The following ESRRG variants were observed in gnomAD, a reference collection of about 807,000 sequenced individuals.
ESRRG encodes estrogen-related receptor gamma.
ESRRG carries 13 observed loss-of-function variants against 44.0 expected under a neutral mutation model. The observed-to-expected ratio is 0.30, with a 90% CI of 0.19 to 0.47. ESRRG has a LOEUF of 0.47. Ranked by LOEUF, ESRRG falls within the 20% of genes least tolerant of loss-of-function variation. The pLI is 1.00. For missense variants in ESRRG, 395 were observed against 580.6 expected (o/e 0.68, Z 3.29); for synonymous variants, 215 against 214.6 (o/e 1.00, Z -0.02).
intron 2 of ESRRG, among the ~76,000 whole-genome samples, chr1:216,889,753 G>C (rs755820983): frequency 6.6e-6 from 1 of 152,060 alleles, no homozygotes; most frequent in East Asian, 1.9e-4. Flanking sequence ...CACTGATTTC[G>C]CTTTCCTGAT....
Position 216,504,344 on chromosome 1 carries a change from G to A in ESRRG, c.*2595C>T, listed in dbSNP as rs1056170617. The A allele has an allele frequency of 6.6e-5, 10 of 152,298 alleles. No homozygotes were observed. Among genetic ancestry groups the A allele is most frequent in the African/African-American group, 1.7e-4 (7 of 41,406 alleles). The allele number at this position is 152,298 out of a possible 1,614,324, so 9.4% of individuals were successfully genotyped here. A position where few individuals can be genotyped will look rare whatever the true frequency, so the allele number is the denominator to read the frequency against. On this transcript the variant is annotated 3_prime_UTR_variant, in exon 7 of 7. Coordinates refer to ENST00000408911, the MANE Select transcript of ESRRG (RefSeq NM_001438.4). ...TTTTTTCCCAGGAGTTGTATTTTCT[G>A]TTGTTATTTTTAAAGGGATGTGCCA...
At chr1:216,642,762 T>G (rs1253518817) in intron 3 of ESRRG, among the ~76,000 whole-genome samples, 1 of 152,172 alleles carries the variant, frequency 6.6e-6, no homozygotes, top group African/African-American at 2.4e-5. Context: ...TAATTTCTGT[T>G]TTTGACTTGG....
chr1:216,759,649 A>G (rs1332026526), intron 2 of ESRRG, among the ~76,000 whole-genome samples: 2 of 152,146 alleles, frequency 1.3e-5, no homozygotes, highest in Non-Finnish European at 2.9e-5. Context: ...GCTGGAAAAC[A>G]TTTATTCATT....
At chr1:217,075,029 A>T (rs1346817555) in intron 1 of ESRRG, among the ~76,000 whole-genome samples, 1 of 152,170 alleles carries the variant, frequency 6.6e-6, no homozygotes, top group African/African-American at 2.4e-5. Context: ...AAGCCTAAAC[A>T]TACTCAAGTC....
intron 2 of ESRRG, chr1:216,862,387 G>A (rs2377356): frequency 0.22 from 32,737 of 151,854 alleles, 3,569 homozygotes; most frequent in Middle Eastern, 0.25. Context: ...ACCATGCCCA[G>A]CTAATTTTTG....
rs187598917 is a variant in ESRRG at position 216,818,640 on chromosome 1, G to C, written c.-14+120942C>G. Among the ~76,000 whole-genome samples, 606 of 151,462 alleles carry C rather than the reference G, an allele frequency of 4.0e-3. 2 individuals are homozygous for C. The highest frequency in any genetic ancestry group is 0.014 in the African/African-American group (585 of 41,218). On this transcript the variant is annotated intron_variant, in intron 2 of 7. Coordinates refer to the ESRRG transcript ENST00000359162. ...TTTCATTTTAAGTTCCAGGGTACAT[G>C]TGCAGGATATGCAGGTTTGTTATAT...
intron 6 of ESRRG, among the ~76,000 whole-genome samples, chr1:216,507,991 CACTT>C (rs1291025124): frequency 3.9e-5 from 6 of 152,324 alleles, no homozygotes; most frequent in African/African-American, 1.2e-4. Flanking sequence ...CTAAAGCAGA[CACTT>C]AATTATATAC....
chr1:216,931,082 G>A (rs207461129), intron 2 of ESRRG, among the ~76,000 whole-genome samples: 1 of 152,164 alleles, frequency 6.6e-6, no homozygotes, highest in East Asian at 1.9e-4. Context: ...GGACTTGGAA[G>A]TTGAGAGGCT....
At chr1:216,862,491 A>G (rs534794263) in intron 2 of ESRRG, 4 of 152,170 alleles carry the variant, frequency 2.6e-5, no homozygotes, top group Non-Finnish European at 5.9e-5. Flanking sequence ...CTAAAATAAC[A>G]CAAAAATCCA....
At chr1:217,125,357 A>G (rs578073374) in intron 1 of ESRRG, among the ~76,000 whole-genome samples, 1 of 152,188 alleles carries the variant, frequency 6.6e-6, no homozygotes, top group African/African-American at 2.4e-5. Context: ...AGATATTTGC[A>G]GTACATAATA....
chr1:216,983,421 G>A (rs889595323), intron 1 of ESRRG, among the ~76,000 whole-genome samples: 2 of 151,512 alleles, frequency 1.3e-5, no homozygotes, highest in Non-Finnish European at 2.9e-5. Flanking sequence ...TTGCAAAGAC[G>A]GGGTTTTGCC....
intron 1 of ESRRG, among the ~76,000 whole-genome samples, chr1:217,050,754 T>G (rs919392167): frequency 6.6e-6 from 1 of 152,142 alleles, no homozygotes; most frequent in Admixed American, 6.5e-5. Flanking sequence ...TCACAGCAGA[T>G]AGACTCTCAC....
In ESRRG at chr1:216,585,258, G is replaced by A. The variant is rs553068244; in HGVS notation, c.590-17160C>T. 3.9e-5 allele frequency among the ~76,000 whole-genome samples: 6 copies of A among 152,240 alleles called. No homozygotes were observed. The East Asian group carries it at 1.2e-3, about 29-fold the overall frequency. On this transcript the variant is annotated intron_variant, in intron 3 of 6. Coordinates refer to ENST00000408911, the MANE Select transcript of ESRRG (RefSeq NM_001438.4). ...ATGGAAAAATAAAGAATATGGCAGAGCTCTATAGACTTATATTAACTCACA... is the reference window on the plus strand; with the variant it reads ...ATGGAAAAATAAAGAATATGGCAGAACTCTATAGACTTATATTAACTCACA...
Position 216,804,413 on chromosome 1 carries a change from C to T in ESRRG, c.-13-126922G>A, listed in dbSNP as rs28750303. Among the ~76,000 whole-genome samples the T allele has an allele frequency of 9.8e-3, 1,495 of 152,252 alleles. 27 individuals carry two copies. Among genetic ancestry groups the T allele is most frequent in the African/African-American group, 0.034 (1,411 of 41,544 alleles). ...AACAAAGCTACTTCCAACTTGTGCT[C>T]AGGCAAGTGGAACCAACACTTAAAC... On this transcript the variant is annotated intron_variant, in intron 2 of 7. Transcript: ENST00000359162.
chr1:216,727,905 A>G (rs564360201), upstream of ESRRG, among the ~76,000 whole-genome samples: 6 of 152,316 alleles, frequency 3.9e-5, no homozygotes, highest in South Asian at 1.2e-3. Context: ...GAGGGGGAAA[A>G]AAAAAGAATC....
At chr1:216,753,175 TACACAC>T (rs145640833) in intron 2 of ESRRG, among the ~76,000 whole-genome samples, 1 of 148,910 alleles carries the variant, frequency 6.7e-6, no homozygotes. Context: ...TATATATTGA[TACACAC>T]ACACACACAC....
rs111640884 is a variant in ESRRG, at chr1:216,532,350, G to A, written c.863-12929C>T. On this transcript the variant is annotated intron_variant, in intron 5 of 6. Coordinates refer to ENST00000408911, the MANE Select transcript of ESRRG (RefSeq NM_001438.4). ...ATTTTGACATAACGGGGATCAAGCC[G>A]CTGCTTGGTATCCCAGAGCTGCACT... Among the ~76,000 whole-genome samples the A allele has an allele frequency of 1.9e-3, 291 of 152,252 alleles. 3 individuals carry two copies. Among genetic ancestry groups the A allele is most frequent in the African/African-American group, 6.8e-3 (283 of 41,564 alleles).
Position 216,516,668 on chromosome 1 carries a change from C to CACACACACACAGAGAG in ESRRG, c.1132+2483_1132+2484insCTCTCTGTGTGTGTGT, listed in dbSNP as rs376701865. 4.7e-4 allele frequency among the ~76,000 whole-genome samples: 65 copies of CACACACACACAGAGAG among 137,244 alleles called. 1 individual carries two copies. Among genetic ancestry groups the CACACACACACAGAGAG allele is most frequent in the African/African-American group, 1.8e-3 (62 of 34,062 alleles). 90.0% of individuals were successfully genotyped at this position (137,244 alleles called of 152,430 possible). A position where few individuals can be genotyped will look rare whatever the true frequency, so the allele number is the denominator to read the frequency against. ...ACACACACACACACACACACACACA[C>CACACACACACAGAGAG]AGAGAGAGAGAGAGAAACGACAAAA... On this transcript the variant is annotated intron_variant, in intron 6 of 6. Coordinates refer to ENST00000408911, the MANE Select transcript of ESRRG (RefSeq NM_001438.4).
chr1:216,673,862 A>G (rs2151439396), intron 2 of ESRRG, among the ~76,000 whole-genome samples: 1 of 152,246 alleles, frequency 6.6e-6, no homozygotes, highest in Non-Finnish European at 1.5e-5. Flanking sequence ...TCAATCCACA[A>G]CCTTTGGGAA....
Sources: allele counts gnomAD v4.1 joint callset (sites outside exome capture counted in the v4.1 genomes callset), GRCh38; gene constraint gnomAD v4.1.1; transcripts MANE v1.5; gene names NCBI Gene and HGNC (gene_info 2026-07-23, HGNC 2026-07-21).